The following WASHC2C variants were observed in gnomAD, a reference collection of about 807,000 sequenced individuals.
The protein encoded by WASHC2C is Vaccinia Penetration Factor.
WASHC2C carries 73 observed loss-of-function variants against 142.2 expected under a neutral mutation model. The observed-to-expected ratio is 0.51, with a 90% CI of 0.43 to 0.62. The LOEUF (loss-of-function observed/expected upper bound fraction) is 0.62. Ranked by LOEUF, WASHC2C falls within the 20% of genes least tolerant of loss-of-function variation. WASHC2C has a pLI of 0.00. For missense variants in WASHC2C, 969 were observed against 1,531.7 expected (o/e 0.63, Z 6.13); for synonymous variants, 337 against 565.5 (o/e 0.60, Z 5.73).
intron 19 of WASHC2C, among the ~76,000 whole-genome samples, chr10:45,766,256 G>A (rs545146392): frequency 3.9e-5 from 6 of 152,412 alleles, no homozygotes; most frequent in South Asian, 2.1e-4. Context: ...ATGAAGAAGC[G>A]GACAGTTTTG....
chr10:45,784,127 A>G (rs1554888769), intron 23 of WASHC2C, among the ~76,000 whole-genome samples: 2 of 151,578 alleles, frequency 1.3e-5, no homozygotes, highest in African/African-American at 4.8e-5. Context: ...AATGTTTCTC[A>G]TTATGGAACT....
intron 19 of WASHC2C, among the ~76,000 whole-genome samples, chr10:45,768,234 G>GA (rs1169870861): frequency 0.14 from 10,840 of 76,376 alleles, 598 homozygotes; most frequent in Admixed American, 0.24. Context: ...CTCGAAAAAG[G>GA]AAAAAAAAAA....
intron 23 of WASHC2C, among the ~76,000 whole-genome samples, chr10:45,783,907 T>C (rs2057714652): frequency 6.6e-6 from 1 of 152,076 alleles, no homozygotes; most frequent in Non-Finnish European, 1.5e-5. Context: ...AGGGACTCAC[T>C]CGGGGTCTGA....
chr10:45,727,202 C>T (rs1189025850), upstream of WASHC2C: 2 of 1,476,634 alleles, frequency 1.4e-6, no homozygotes, highest in African/African-American at 2.9e-5. Context: ...CACGTGACAT[C>T]AGGTCACGTG....
chr10:45,772,970 C>A (rs1291069519), intron 20 of WASHC2C, among the ~76,000 whole-genome samples: 5 of 150,630 alleles, frequency 3.3e-5, no homozygotes, highest in African/African-American at 7.3e-5. Context: ...GCTCAGGCAT[C>A]GTGTGCCTTG....
At chr10:45,757,267 A>G in intron 16 of WASHC2C, 128 bp downstream of exon 16, 1 of 1,119,968 alleles carries the variant, frequency 8.9e-7, no homozygotes, top group South Asian at 1.7e-5. Flanking sequence ...GAAAGTGGAA[A>G]GAACATTGCA....
At chr10:45,740,911 C>T (rs1173361960) in intron 5 of WASHC2C, among the ~76,000 whole-genome samples, 2 of 151,242 alleles carry the variant, frequency 1.3e-5, no homozygotes, top group African/African-American at 4.9e-5. Flanking sequence ...GGCCTTGTGA[C>T]ACACAAGGCC....
chr10:45,738,563 T>G (rs1375110761), intron 4 of WASHC2C, among the ~76,000 whole-genome samples: 2 of 151,866 alleles, frequency 1.3e-5, no homozygotes. Context: ...ATGGATCACC[T>G]GTAAAGGTTG....
chr10:45,766,553 C>T (rs1259165499), intron 19 of WASHC2C, among the ~76,000 whole-genome samples: 5 of 145,278 alleles, frequency 3.4e-5, no homozygotes, highest in African/African-American at 1.3e-4. Flanking sequence ...GTAGCATGTC[C>T]CGTATACCCC....
At chr10:45,779,250 G>A in intron 23 of WASHC2C, 115 bp downstream of exon 23, 2 of 711,638 alleles carry the variant, frequency 2.8e-6, no homozygotes, top group Non-Finnish European at 2.4e-6. Flanking sequence ...AATGTAGTGT[G>A]TTAATGATTC....
chr10:45,727,896 C>T (rs2050079501), intron 2 of WASHC2C, among the ~76,000 whole-genome samples: 1 of 152,208 alleles, frequency 6.6e-6, no homozygotes, highest in South Asian at 2.1e-4. Flanking sequence ...TGTGGATATC[C>T]TTTAATGGGA....
At chr10:45,728,152 T>A (rs1473250264) in intron 2 of WASHC2C, among the ~76,000 whole-genome samples, 10 of 152,238 alleles carry the variant, frequency 6.6e-5, no homozygotes, top group Admixed American at 2.0e-4. Flanking sequence ...GCGTCCTGAG[T>A]AGCTGGGACT....
intron 17 of WASHC2C, among the ~76,000 whole-genome samples, chr10:45,760,120 A>C (rs1247409157): frequency 2.1e-5 from 3 of 139,550 alleles, no homozygotes; most frequent in African/African-American, 8.2e-5. Context: ...GACTGAGACC[A>C]CTAACAGCCT....
intron 20 of WASHC2C, chr10:45,771,547 G>A (rs1381380475): frequency 1.0e-6 from 1 of 982,158 alleles, no homozygotes; most frequent in African/African-American, 1.8e-5. Flanking sequence ...CCCACACAAG[G>A]TCATAAATCT....
chr10:45,784,319 C>CTTTGT (rs2057863219), intron 23 of WASHC2C, among the ~76,000 whole-genome samples: 1 of 95,166 alleles, frequency 1.1e-5, no homozygotes, highest in Non-Finnish European at 2.1e-5. Context: ...TATACACACA[C>CTTTGT]ATATATATAT....
At chr10:45,755,221 C>G (rs1434036702) in intron 15 of WASHC2C, 106 bp downstream of exon 15, 2 of 1,457,724 alleles carry the variant, frequency 1.4e-6, no homozygotes, top group African/African-American at 1.4e-5. Flanking sequence ...GCCAGAATCC[C>G]TTCTCCAGCA....
chr10:45,780,756 T>C (rs1262768015), intron 23 of WASHC2C, among the ~76,000 whole-genome samples: 7 of 148,150 alleles, frequency 4.7e-5, no homozygotes, highest in Non-Finnish European at 9.0e-5. Flanking sequence ...GTAACTTTCT[T>C]TTTTTTTTTT....
chr10:45,732,297 G>T (rs1217752910), intron 3 of WASHC2C, among the ~76,000 whole-genome samples: 1 of 152,124 alleles, frequency 6.6e-6, no homozygotes, highest in South Asian at 2.1e-4. Context: ...GAAACAATCC[G>T]TACTTTCTAG....
intron 3 of WASHC2C, among the ~76,000 whole-genome samples, chr10:45,732,678 G>A (rs2050743744): frequency 6.6e-6 from 1 of 152,156 alleles, no homozygotes; most frequent in African/African-American, 2.4e-5. Context: ...CCTTGGCAAT[G>A]ACCTTGAGCA....
Sources: gnomAD v4.1 joint callset for allele counts (sites outside exome capture counted in the v4.1 genomes callset) on GRCh38, gnomAD v4.1.1 for gene constraint, MANE v1.5 for transcripts, NCBI Gene and HGNC (gene_info 2026-07-23, HGNC 2026-07-21) for gene names.